Variants in NPC1L1 observed in about 807,000 individuals in gnomAD.
The protein encoded by NPC1L1 is NPC1 like intracellular cholesterol transporter 1, also known as NPC1-like intracellular cholesterol transporter 1.
Under a neutral mutation model 117.0 loss-of-function variants are expected in NPC1L1, and 98 were observed. The ratio of observed to expected loss-of-function variants is 0.84; its 90% CI spans 0.71 to 0.99. NPC1L1 has a LOEUF of 0.99. NPC1L1 is among the 50% of genes least tolerant of loss of function. The probability of loss-of-function intolerance (pLI) is 0.00; values close to 1 mark genes in which losing one functional copy is unlikely to be tolerated. For missense variants in NPC1L1, 1,540 were observed against 1,710.0 expected (o/e 0.90, Z 1.75); for synonymous variants, 729 against 727.6 (o/e 1.00, Z -0.03).
In NPC1L1 at chr7:44,536,981, G is replaced by T. The variant is rs1395886919; in HGVS notation, c.1581-39C>A. The T allele has an allele frequency of 5.1e-6, 8 of 1,567,534 alleles. No individual in the cohort carries two copies. The African/African-American group carries it at 9.5e-5, about 19-fold the overall frequency. On this transcript the variant is annotated intron_variant, in intron 2 of 18. Coordinates refer to ENST00000381160, the MANE Select transcript of NPC1L1 (RefSeq NM_001101648.2). This position sits in a 1 kb window ranked among gnomAD's most constrained non-coding sequence, Gnocchi z 4.7. The stretch of plus-strand genomic sequence containing the variant: ...ACCGCAAAGGGAAAGGGCCTTTCCT[G>T]GCCCTGCCCAGTCCCTATGGCCCCT...
chr7:44,518,722 GA>G, intron 14 of NPC1L1: 1 of 1,183,962 alleles, frequency 8.4e-7, no homozygotes, highest in Non-Finnish European at 1.1e-6. Context: ...ATGTGTATCT[GA>G]AAAAGAAACA....
rs1321760648 is a variant in NPC1L1, at chr7:44,521,724, G to A, written c.2941C>T (p.Pro981Ser). The stretch of plus-strand genomic sequence containing the variant: ...GCCCCACACTCACTGACGGTCGAGG[G>A]GCAGAACTTGTCCTTATTGGGGCCA... ...ISGPNKDKFC[P>S]STVNSLNCLK... is the part of the protein sequence containing the mutation. Residue 981 changes from proline (P) to serine (S), a missense_variant, in exon 12 of 19, where the codon CCC becomes TCC. Physicochemically the swap from Pro to Ser is moderately conservative, Grantham distance 74. This residue lies in a region of NPC1L1 where 742 missense variants were observed against 873.6 expected (regional missense o/e 0.85). Transcript: ENST00000381160. 8.1e-6 allele frequency: 13 copies of A among 1,614,026 alleles called. No homozygotes were observed. Among genetic ancestry groups the A allele is most frequent in the Non-Finnish European group, 1.1e-5 (13 of 1,180,012 alleles).
At position 44,516,709 on chromosome 7, in the gene NPC1L1, C is replaced by T. The variant is rs757282762; in HGVS notation, c.3513G>A (p.Leu1171=). ...CCTGTGTCTGCTGGGTTACCGAGAC[C>T]AGGTTGATGAGGGACACAGCATTGT... ...ISYNAVSLIN[L]VSAVGMSVEF... The change falls in exon 16 of 19, where the codon CTG becomes CTA. Residue 1171 remains leucine (L), a synonymous_variant. Transcript: ENST00000381160. 46 of 1,609,624 alleles carry T rather than the reference C, an allele frequency of 2.9e-5. No individual in the cohort carries two copies. Among genetic ancestry groups the T allele is most frequent in the Non-Finnish European group, 3.9e-5 (46 of 1,177,988 alleles).
At chr7:44,530,296 C>A (rs570349748) in intron 10 of NPC1L1, among the ~76,000 whole-genome samples, 1 of 152,278 alleles carries the variant, frequency 6.6e-6, no homozygotes, top group East Asian at 1.9e-4. Flanking sequence ...CGAGATCACA[C>A]CATTGCACTC....
chr7:44,534,487 AC>A lies in NPC1L1; in HGVS notation c.2125del (p.Val709TrpfsTer32). The A allele has an allele frequency of 6.2e-7, 1 of 1,614,142 alleles. No homozygotes were observed. The highest frequency in any genetic ancestry group is 1.1e-5 in the South Asian group (1 of 91,084). The part of the protein sequence containing the change: ...LQVVPFLVLS[V>X]GADNIFIFVL... ...AAAGATGAAGATGTTATCAGCCCCC[AC>A]GGACAGCACCAGGAAAGGAACCACT... On this transcript the variant is annotated frameshift_variant, in exon 6 of 19. Transcript: ENST00000381160. LOFTEE classifies it high-confidence loss of function. The surrounding 1 kb of genome is among the most constrained non-coding windows in gnomAD (Gnocchi z 5.2).
Position 44,529,810 on chromosome 7 carries a change from C to A in NPC1L1, c.2637+1945G>T, listed in dbSNP as rs573223504. 9.6e-4 allele frequency among the ~76,000 whole-genome samples: 145 copies of A among 150,912 alleles called. 4 individuals are homozygous for A. The South Asian group carries it at 0.03, about 31-fold the overall frequency. ...CAGCACTTTGGGAGGGCAAAGCAGG[C>A]AGATCACAAGGTCCAGAGTTCGAGA... On this transcript the variant is annotated intron_variant, in intron 10 of 18. Coordinates refer to ENST00000381160, the MANE Select transcript of NPC1L1 (RefSeq NM_001101648.2).
chr7:44,513,364 G>T lies in NPC1L1; in HGVS notation c.*83C>A. 1 of 1,303,490 alleles carries T rather than the reference G, an allele frequency of 7.7e-7. No individual in the cohort carries two copies. The highest frequency in any genetic ancestry group is 1.1e-6 in the Non-Finnish European group (1 of 900,380). The allele number at this position is 1,303,490 out of a possible 1,614,324, so 80.7% of individuals were successfully genotyped here. A position where few individuals can be genotyped will look rare whatever the true frequency, so the allele number is the denominator to read the frequency against. ...GCCTCCCCTAGGATTTGAGGAGGGC[G>T]TGTGTCAAGGGGCAGTCACAAGGAA... On this transcript the variant is annotated 3_prime_UTR_variant, in exon 19 of 19. Transcript: ENST00000381160.
rs1160486792 is a variant in NPC1L1 at position 44,512,915 on chromosome 7, G to T, written c.*532C>A. 1 of 184,110 alleles carries T rather than the reference G, an allele frequency of 5.4e-6. No individual in the cohort carries two copies. Among genetic ancestry groups the T allele is most frequent in the Non-Finnish European group, 1.2e-5 (1 of 86,076 alleles). 11.4% of individuals were successfully genotyped at this position (184,110 alleles called of 1,614,324 possible). On this transcript the variant is annotated 3_prime_UTR_variant, in exon 19 of 19. Transcript: ENST00000381160. The stretch of plus-strand genomic sequence containing the variant: ...AAGGCCGTGGATGGCAGACCTGCAG[G>T]TGCGCCCTGGAGGGAGTGGCTGCCG...
intron 18 of NPC1L1, 82 bp downstream of exon 18, chr7:44,515,721 A>G: frequency 6.4e-7 from 1 of 1,574,068 alleles, no homozygotes; most frequent in Non-Finnish European, 8.7e-7. Flanking sequence ...GCACTTCCTG[A>G]GCTTTTGTGG....
chr7:44,526,849 C>A (rs931788545), intron 10 of NPC1L1, among the ~76,000 whole-genome samples: 2 of 151,618 alleles, frequency 1.3e-5, no homozygotes, highest in Non-Finnish European at 2.9e-5. Context: ...CATGGTAAAA[C>A]CCCGTCTCTA....
Position 44,521,762 on chromosome 7 carries a change from C to A in NPC1L1, c.2903G>T (p.Arg968Leu). The A allele has an allele frequency of 6.2e-7, 1 of 1,614,120 alleles. No homozygotes were observed. The highest frequency in any genetic ancestry group is 8.5e-7 in the Non-Finnish European group (1 of 1,180,024). The part of the protein sequence containing the change: ...IDWLTPSSCC[R>L]LYISGPNKDK... ...CTTATTGGGGCCAGATATATAAAGG[C>A]GGCAGCAGGAGGACGGGGTCAGCCA... is the stretch of plus-strand genomic sequence containing the variant. The change falls in exon 12 of 19, where the codon CGC (arginine) becomes CTC (leucine). Residue 968 changes from arginine to leucine, a missense_variant. By Grantham distance (102) the Arg-to-Leu change is moderately radical. This residue lies in a region of NPC1L1 where 742 missense variants were observed against 873.6 expected (regional missense o/e 0.85). Transcript: ENST00000381160.
In NPC1L1 at chr7:44,515,849, G is replaced by A. The variant is rs771829023; in HGVS notation, c.3750C>T (p.Gly1250=). 2 of 1,614,200 alleles carry A rather than the reference G, an allele frequency of 1.2e-6. No homozygotes were observed. The highest frequency in any genetic ancestry group is 1.7e-5 in the Admixed American group (1 of 60,026). Residue 1250 remains glycine, a synonymous_variant, in exon 18 of 19, where the codon GGC becomes GGT. Transcript: ENST00000381160. The part of the protein sequence containing the change: ...FRLNLLITLL[G]LLHGLVFLPV... Reference sequence around the variant, plus strand: ...GCAGGAAGACCAAGCCATGCAGCAGGCCCAGCAGAGTGATCAGGAGGTTGA... The same window carrying A: ...GCAGGAAGACCAAGCCATGCAGCAGACCCAGCAGAGTGATCAGGAGGTTGA...
chr7:44,539,585 G>C lies in NPC1L1; in HGVS notation c.812C>G (p.Ala271Gly). Residue 271 changes from alanine to glycine, a missense_variant, in exon 2 of 19, where the codon GCC (alanine) becomes GGC (glycine). By Grantham distance (60) the Ala-to-Gly change is moderately conservative (BLOSUM62 0). This residue lies in a region of NPC1L1 where 793 missense variants were observed against 820.4 expected (regional missense o/e 0.97). Coordinates refer to ENST00000381160, the MANE Select transcript of NPC1L1 (RefSeq NM_001101648.2). The surrounding 1 kb of genome is among the most constrained non-coding windows in gnomAD (Gnocchi z 4.4). Reference protein sequence around the residue: ...ASCPAIARPQALDSTFYLGQM... With the variant: ...ASCPAIARPQGLDSTFYLGQM... ...GCCCAGGTAGAAGGTGGAGTCGAGG[G>C]CCTGGGGGCGGGCTATGGCAGGACA... is the stretch of plus-strand genomic sequence containing the variant. The C allele has an allele frequency of 6.2e-7, 1 of 1,614,054 alleles. No individual in the cohort carries two copies. The highest frequency in any genetic ancestry group is 8.5e-7 in the Non-Finnish European group (1 of 1,180,014).
In NPC1L1 at chr7:44,539,194, G is replaced by C; in HGVS notation, c.1203C>G (p.Phe401Leu). The C allele has an allele frequency of 6.2e-7, 1 of 1,614,112 alleles. No individual in the cohort carries two copies. Among genetic ancestry groups the C allele is most frequent in the Non-Finnish European group, 8.5e-7 (1 of 1,180,038 alleles). Residue 401 changes from phenylalanine to leucine, a missense_variant, in exon 2 of 19, where the codon TTC becomes TTG. This residue lies in a region of NPC1L1 where 793 missense variants were observed against 820.4 expected (regional missense o/e 0.97). Coordinates refer to ENST00000381160, the MANE Select transcript of NPC1L1 (RefSeq NM_001101648.2). The surrounding 1 kb of genome is among the most constrained non-coding windows in gnomAD (Gnocchi z 4.4). ...CCTGGTTGGTTCGGAAGAAGGGGCC[G>C]AAATGCTGGTCATGGAAAGCTTTCT... ...RSEKAFHDQH[F>L]GPFFRTNQVI... is the part of the protein sequence containing the mutation.
At chr7:44,537,210 C>A (rs1406793944) in intron 2 of NPC1L1, among the ~76,000 whole-genome samples, 1 of 152,238 alleles carries the variant, frequency 6.6e-6, no homozygotes, top group Non-Finnish European at 1.5e-5. Context: ...CCCTGAGTGC[C>A]TTCTCTGTGG....
At chr7:44,526,655 A>C (rs762923803) in intron 10 of NPC1L1, among the ~76,000 whole-genome samples, 3 of 152,096 alleles carry the variant, frequency 2.0e-5, no homozygotes, top group Admixed American at 6.6e-5. Flanking sequence ...CACGAGGATC[A>C]CCTGAGCCCA....
chr7:44,534,349 G>C lies in NPC1L1; in HGVS notation c.2166+98C>G. 8.6e-7 allele frequency: 1 copy of C among 1,159,586 alleles called. No individual in the cohort carries two copies. The allele number at this position is 1,159,586 out of a possible 1,614,324, so 71.8% of individuals were successfully genotyped here. On this transcript the variant is annotated intron_variant, in intron 6 of 18. Coordinates refer to ENST00000381160, the MANE Select transcript of NPC1L1 (RefSeq NM_001101648.2). The surrounding 1 kb of genome is among the most constrained non-coding windows in gnomAD (Gnocchi z 5.2). ...TCGATGAACAGAAAGAGTCTGCAGG[G>C]AGACCCAGCAAATTCACGCCAGAGT... is the stretch of plus-strand genomic sequence containing the variant.
chr7:44,536,992 G>T lies in NPC1L1; in HGVS notation c.1581-50C>A, dbSNP rs1463758274. ...AAAGGGCCTTTCCTGGCCCTGCCCA[G>T]TCCCTATGGCCCCTCCCTTCCCCTC... On this transcript the variant is annotated intron_variant, in intron 2 of 18. Coordinates refer to ENST00000381160, the MANE Select transcript of NPC1L1 (RefSeq NM_001101648.2). This position sits in a 1 kb window ranked among gnomAD's most constrained non-coding sequence, Gnocchi z 4.7. The T allele has an allele frequency of 1.3e-6, 2 of 1,507,166 alleles. No homozygotes were observed. Among genetic ancestry groups the T allele is most frequent in the Non-Finnish European group, 1.8e-6 (2 of 1,094,116 alleles). The allele number at this position is 1,507,166 out of a possible 1,614,324, so 93.4% of individuals were successfully genotyped here.
Position 44,513,057 on chromosome 7 carries a change from TAA to T in NPC1L1, c.*388_*389del. The T allele has an allele frequency of 3.0e-6, 1 of 334,156 alleles. No homozygotes were observed. Among genetic ancestry groups the T allele is most frequent in the Non-Finnish European group, 5.9e-6 (1 of 169,718 alleles). The allele number at this position is 334,156 out of a possible 1,614,324, so 20.7% of individuals were successfully genotyped here. The stretch of plus-strand genomic sequence containing the variant: ...TGTTCTCAGGGACACTGCTACGTGT[TAA>T]AGACTTACTGACACAGAATTAAGAC... On this transcript the variant is annotated 3_prime_UTR_variant, in exon 19 of 19. Transcript: ENST00000381160.
Sources: allele counts gnomAD v4.1 joint callset (sites outside exome capture counted in the v4.1 genomes callset), GRCh38; gene constraint gnomAD v4.1.1; regional missense constraint gnomAD v4.1.1; non-coding constraint Gnocchi (gnomAD v3.1); transcripts MANE v1.5; gene names NCBI Gene and HGNC (gene_info 2026-07-23, HGNC 2026-07-21).